The following PDE3A variants were observed in gnomAD, a reference collection of about 807,000 sequenced individuals.
PDE3A encodes cGMP-inhibited 3',5'-cyclic phosphodiesterase 3A.
In PDE3A, 43 loss-of-function variants were observed where a neutral mutation model predicts 98.3. The ratio of observed to expected loss-of-function variants is 0.44; its 90% CI spans 0.34 to 0.56. PDE3A has a LOEUF of 0.56. Ranked by LOEUF, PDE3A falls within the 20% of genes least tolerant of loss-of-function variation. PDE3A has a pLI of 0.01. For missense variants in PDE3A, 1,427 were observed against 1,440.7 expected (o/e 0.99, Z 0.15); for synonymous variants, 663 against 567.9 (o/e 1.17, Z -2.38).
In PDE3A at chr12:20,455,631, G is replaced by T. The variant is rs1945140651; in HGVS notation, c.960+85387G>T. On this transcript the variant is annotated intron_variant, in intron 1 of 15. Coordinates refer to ENST00000359062, the MANE Select transcript of PDE3A (RefSeq NM_000921.5). ...TTCAGTATTTACTAGGAAAGGGTAG[G>T]CTGCCTTTCAGTAAATCCCTGTCAT... Among the ~76,000 whole-genome samples, 5 of 152,122 alleles carry T rather than the reference G, an allele frequency of 3.3e-5. No homozygotes were observed. In the South Asian group the frequency reaches 1.0e-3, roughly 31 times the overall value.
At position 20,369,799 on chromosome 12, in the gene PDE3A, C is replaced by G. The variant is rs755543591; in HGVS notation, c.515C>G (p.Ala172Gly). ...CTGGCCGCCTGCTGCGGGGGGGAAG[C>G]GCTCGTCCAGATTGGGCTGGGCGTC... ...ALLAACCGGE[A>G]LVQIGLGVGE... Residue 172 changes from alanine to glycine, a missense_variant, in exon 1 of 16, where the codon GCG becomes GGG. Ala to Gly is a moderately conservative substitution (Grantham distance 60). Coordinates refer to ENST00000359062, the MANE Select transcript of PDE3A (RefSeq NM_000921.5). 1 of 1,612,464 alleles carries G rather than the reference C, an allele frequency of 6.2e-7. No individual in the cohort carries two copies. The highest frequency in any genetic ancestry group is 1.3e-5 in the African/African-American group (1 of 75,032).
At chr12:20,375,640 G>C (rs73232403) in intron 1 of PDE3A, among the ~76,000 whole-genome samples, 1 of 151,776 alleles carries the variant, frequency 6.6e-6, no homozygotes, top group African/African-American at 2.4e-5. Flanking sequence ...AACCTACCAG[G>C]TCTCAAATCA....
At chr12:20,422,047 T>C (rs1565543999) in intron 1 of PDE3A, among the ~76,000 whole-genome samples, 1 of 152,212 alleles carries the variant, frequency 6.6e-6, no homozygotes, top group Non-Finnish European at 1.5e-5. Flanking sequence ...ATATTTAGTT[T>C]AAAATTTTAG....
At chr12:20,589,608 C>A (rs1943277767) in intron 2 of PDE3A, among the ~76,000 whole-genome samples, 1 of 151,946 alleles carries the variant, frequency 6.6e-6, no homozygotes. Context: ...GTGGCTCACA[C>A]CTGTAATCCC....
In PDE3A at chr12:20,397,174, A is replaced by G. The variant is rs73234009; in HGVS notation, c.960+26930A>G. On this transcript the variant is annotated intron_variant, in intron 1 of 15. Coordinates refer to ENST00000359062, the MANE Select transcript of PDE3A (RefSeq NM_000921.5). ...GTAAGTACATTTAATTCTCATTAGT[A>G]CTCTGAGGTTGATACTGTTGTTCTC... is the stretch of plus-strand genomic sequence containing the variant. 2.1e-4 allele frequency among the ~76,000 whole-genome samples: 32 copies of G among 152,124 alleles called. 1 individual carries two copies. The South Asian group carries it at 6.2e-3, about 30-fold the overall frequency.
intron 1 of PDE3A, among the ~76,000 whole-genome samples, 187 bp downstream of exon 1, chr12:20,370,431 G>A (rs960065849): frequency 2.0e-4 from 14 of 68,776 alleles, no homozygotes; most frequent in Admixed American, 2.0e-3. Flanking sequence ...TTGTTTTTTT[G>A]CCCTCTCTTT....
intron 1 of PDE3A, among the ~76,000 whole-genome samples, chr12:20,527,521 C>T (rs1946546556): frequency 6.6e-6 from 1 of 152,162 alleles, no homozygotes; most frequent in Non-Finnish European, 1.5e-5. Context: ...CCTGGGTCCT[C>T]TCTCCTCCCA....
chr12:20,424,326 G>C (rs1390188647), intron 1 of PDE3A, among the ~76,000 whole-genome samples: 2 of 152,012 alleles, frequency 1.3e-5, no homozygotes, highest in Non-Finnish European at 2.9e-5. Flanking sequence ...ACATCAGTAG[G>C]CCTCTCAACT....
At chr12:20,427,756 A>T (rs919249441) in intron 1 of PDE3A, among the ~76,000 whole-genome samples, 7 of 152,108 alleles carry the variant, frequency 4.6e-5, no homozygotes, top group Middle Eastern at 3.2e-3. Context: ...AGTAAAGAAG[A>T]TGATCTAAAT....
intron 5 of PDE3A, among the ~76,000 whole-genome samples, chr12:20,623,803 A>G (rs925933298): frequency 1.8e-4 from 28 of 152,222 alleles, no homozygotes; most frequent in African/African-American, 6.5e-4. Context: ...TGATGGATGT[A>G]TTCTAGAAAG....
intron 1 of PDE3A, among the ~76,000 whole-genome samples, chr12:20,438,195 A>T (rs1311985774): frequency 2.0e-5 from 3 of 152,238 alleles, no homozygotes; most frequent in African/African-American, 7.2e-5. Context: ...ATAGCTATTT[A>T]TCTTTTAAGG....
chr12:20,439,616 G>T (rs928301664), intron 1 of PDE3A, among the ~76,000 whole-genome samples: 7 of 152,124 alleles, frequency 4.6e-5, no homozygotes, highest in Non-Finnish European at 7.4e-5. Flanking sequence ...TTCATGCTGC[G>T]AGCAAAATGG....
In PDE3A at chr12:20,556,667, G is replaced by A; in HGVS notation, c.968G>A (p.Gly323Glu). ...LPCIPREQLM[G>E]HSEWDHKRGP... is the part of the protein sequence containing the mutation. ...TAATTTTCATCTTTCCAGCTCATGGGGCATTCAGAATGGGACCACAAACGA... is the reference window on the plus strand; with the variant it reads ...TAATTTTCATCTTTCCAGCTCATGGAGCATTCAGAATGGGACCACAAACGA... Residue 323 changes from glycine (G) to glutamate (E), a missense_variant, in exon 2 of 16, where the codon GGG (glycine) becomes GAG (glutamate). Gly to Glu is a moderately conservative substitution (Grantham distance 98). Coordinates refer to ENST00000359062, the MANE Select transcript of PDE3A (RefSeq NM_000921.5). 6.3e-7 allele frequency: 1 copy of A among 1,592,040 alleles called. No homozygotes were observed. The highest frequency in any genetic ancestry group is 2.2e-5 in the East Asian group (1 of 44,708).
At chr12:20,370,400 GT>G (rs776856187) in intron 1 of PDE3A, 156 bp downstream of exon 1, 11 of 359,846 alleles carry the variant, frequency 3.1e-5, no homozygotes, top group African/African-American at 2.4e-4. Context: ...TTTTTTTTTT[GT>G]TTTTTTTGTT....
chr12:20,578,568 A>G (rs561386560), intron 2 of PDE3A, among the ~76,000 whole-genome samples: 18 of 152,116 alleles, frequency 1.2e-4, no homozygotes, highest in Non-Finnish European at 1.9e-4. Flanking sequence ...CTATCATTTG[A>G]AAGAGAAGAA....
At chr12:20,630,182 C>A in intron 6 of PDE3A, 55 bp downstream of exon 6, 1 of 1,249,032 alleles carries the variant, frequency 8.0e-7, no homozygotes, top group South Asian at 1.2e-5. Flanking sequence ...TAGTTTTCCC[C>A]TAGAAATACC....
Position 20,404,218 on chromosome 12 carries a change from C to T in PDE3A, c.960+33974C>T, listed in dbSNP as rs188899868. On this transcript the variant is annotated intron_variant, in intron 1 of 15. Transcript: ENST00000359062. ...TTTCTTAAGCCCCATTCAAATTTTA[C>T]GATAGTTTTTGTTTCTTTTAATAAA... Among the ~76,000 whole-genome samples the T allele has an allele frequency of 6.8e-3, 1,036 of 152,092 alleles. 5 individuals are homozygous for T. Among genetic ancestry groups the T allele is most frequent in the Non-Finnish European group, 0.011 (727 of 67,960 alleles).
chr12:20,525,463 TG>T (rs1351100969), intron 1 of PDE3A, among the ~76,000 whole-genome samples: 1 of 137,456 alleles, frequency 7.3e-6, no homozygotes, highest in East Asian at 2.4e-4. Flanking sequence ...CATTCTGATT[TG>T]GTTGGGGGGG....
chr12:20,529,680 T>C (rs891808942), intron 1 of PDE3A, among the ~76,000 whole-genome samples: 4 of 152,110 alleles, frequency 2.6e-5, no homozygotes, highest in African/African-American at 9.7e-5. Flanking sequence ...AGGCAAGGAT[T>C]CTTCTCTTAC....
Sources: allele counts gnomAD v4.1 joint callset (sites outside exome capture counted in the v4.1 genomes callset), GRCh38; gene constraint gnomAD v4.1.1; transcripts MANE v1.5; gene names NCBI Gene and HGNC (gene_info 2026-07-23, HGNC 2026-07-21).